Variants in SPOCK1 observed in about 807,000 individuals in gnomAD.
SPOCK1 encodes the protein testican-1.
A neutral mutation model predicts 55.3 loss-of-function variants in SPOCK1; 23 were observed. The observed-to-expected ratio is 0.42, with a 90% CI of 0.30 to 0.59. SPOCK1 has a LOEUF of 0.59. Ranked by LOEUF, SPOCK1 falls within the 20% of genes least tolerant of loss-of-function variation. The pLI, the probability that SPOCK1 is intolerant of heterozygous loss-of-function variation, is 0.22. For missense variants in SPOCK1, 499 were observed against 552.5 expected, an observed-to-expected ratio of 0.90 and a Z score of 0.97; for synonymous variants, 226 against 221.0, an observed-to-expected ratio of 1.02 and a Z score of -0.20.
At chr5:137,267,121 A>G (rs1756872790) in intron 2 of SPOCK1, 66 bp from the exon 3 acceptor site, 1 of 1,382,430 alleles carries the variant, frequency 7.2e-7, no homozygotes, top group African/African-American at 1.4e-5. Flanking sequence ...ACTGCATAAA[A>G]ACCTGCCTTC....
chr5:137,126,844 G>A (rs1753791155), intron 4 of SPOCK1, among the ~76,000 whole-genome samples: 1 of 152,196 alleles, frequency 6.6e-6, no homozygotes, highest in Admixed American at 6.5e-5. Context: ...TAGTGTCTGT[G>A]GAAGGTAGAA....
chr5:137,332,184 G>A (rs73296871), intron 2 of SPOCK1, among the ~76,000 whole-genome samples: 5,534 of 151,650 alleles, frequency 0.036, 377 homozygotes, highest in African/African-American at 0.13. Context: ...TTTTCCTCCT[G>A]GGATCCCCAC....
At chr5:137,392,697 T>C (rs1751752018) in intron 2 of SPOCK1, among the ~76,000 whole-genome samples, 1 of 152,236 alleles carries the variant, frequency 6.6e-6, no homozygotes, top group Non-Finnish European at 1.5e-5. Flanking sequence ...GAGTTTGGCA[T>C]AGTGCCCAGC....
chr5:137,382,183 C>T (rs1312152953), intron 2 of SPOCK1, among the ~76,000 whole-genome samples: 1 of 152,244 alleles, frequency 6.6e-6, no homozygotes, highest in East Asian at 1.9e-4. Flanking sequence ...ACCTTTGCTC[C>T]AGTTCCCAGT....
intron 6 of SPOCK1, among the ~76,000 whole-genome samples, chr5:136,997,938 A>G (rs1751077101): frequency 6.6e-6 from 1 of 152,212 alleles, no homozygotes; most frequent in South Asian, 2.1e-4. Context: ...AAAGTTCTCA[A>G]TACACACCTA....
In SPOCK1 at chr5:137,053,071, C is replaced by T. The variant is rs1026392268; in HGVS notation, c.589+14644G>A. Among the ~76,000 whole-genome samples the T allele has an allele frequency of 2.6e-5, 4 of 152,088 alleles. 1 individual carries two copies. Among genetic ancestry groups the T allele is most frequent in the Non-Finnish European group, 4.4e-5 (3 of 68,016 alleles). Reference sequence around the variant, plus strand: ...TTCTGTCTTTCCAAGGCATGAGGAACACATGATTTATAACCATAGGTCAAA... The same window carrying T: ...TTCTGTCTTTCCAAGGCATGAGGAATACATGATTTATAACCATAGGTCAAA... On this transcript the variant is annotated intron_variant, in intron 6 of 10. Coordinates refer to ENST00000394945, the MANE Select transcript of SPOCK1 (RefSeq NM_004598.4).
chr5:137,339,835 G>C (rs1216911762), intron 2 of SPOCK1, among the ~76,000 whole-genome samples: 1 of 152,102 alleles, frequency 6.6e-6, no homozygotes, highest in Non-Finnish European at 1.5e-5. Context: ...CTGAAGAAGT[G>C]GCTGGGCCTG....
chr5:137,036,419 G>A (rs2126988676), intron 6 of SPOCK1, among the ~76,000 whole-genome samples: 1 of 152,084 alleles, frequency 6.6e-6, no homozygotes, highest in East Asian at 1.9e-4. Flanking sequence ...CTGCTCCTGT[G>A]TCCTCCTCCC....
chr5:137,084,219 A>G (rs746656023), intron 5 of SPOCK1, among the ~76,000 whole-genome samples: 58 of 152,020 alleles, frequency 3.8e-4, no homozygotes, highest in Non-Finnish European at 5.0e-4. Flanking sequence ...AGAGTACCTC[A>G]GTCATTTCAC....
At chr5:137,295,835 G>C (rs1370549880) in intron 2 of SPOCK1, among the ~76,000 whole-genome samples, 1 of 152,182 alleles carries the variant, frequency 6.6e-6, no homozygotes, top group African/African-American at 2.4e-5. Context: ...TCATTTTACA[G>C]TGTTTTTCCT....
chr5:137,074,994 C>A (rs947911169), intron 5 of SPOCK1, among the ~76,000 whole-genome samples: 7 of 152,042 alleles, frequency 4.6e-5, no homozygotes, highest in Non-Finnish European at 1.0e-4. Flanking sequence ...TGAGTCACCG[C>A]GCCCGACCTA....
At chr5:137,236,304 G>T (rs1756180106) in intron 3 of SPOCK1, among the ~76,000 whole-genome samples, 1 of 152,256 alleles carries the variant, frequency 6.6e-6, no homozygotes, top group Non-Finnish European at 1.5e-5. Context: ...CTGGCTGTCT[G>T]CCGGCATGCA....
At chr5:137,093,448 T>G (rs1753083625) in intron 5 of SPOCK1, among the ~76,000 whole-genome samples, 1 of 152,236 alleles carries the variant, frequency 6.6e-6, no homozygotes, top group Non-Finnish European at 1.5e-5. Context: ...ATCTACCATA[T>G]GCTAGGCCCC....
chr5:137,356,873 A>AGAGAGAGT (rs796667572), intron 2 of SPOCK1, among the ~76,000 whole-genome samples: 1,549 of 69,446 alleles, frequency 0.022, 156 homozygotes, highest in East Asian at 0.054. Context: ...AGAGAGAGAG[A>AGAGAGAGT]GAGTATGCAG....
At chr5:137,068,640 G>C (rs1752552938) in intron 5 of SPOCK1, among the ~76,000 whole-genome samples, 1 of 152,194 alleles carries the variant, frequency 6.6e-6, no homozygotes, top group Non-Finnish European at 1.5e-5. Context: ...ATCAGCATTT[G>C]TATTATTCTT....
intron 6 of SPOCK1, among the ~76,000 whole-genome samples, chr5:137,027,485 T>C (rs969902549): frequency 2.0e-5 from 3 of 152,208 alleles, no homozygotes; most frequent in Non-Finnish European, 4.4e-5. Context: ...TATATCATAG[T>C]GTCTGATGTG....
At chr5:137,416,620 ATGTAAC>A (rs576016234) in intron 2 of SPOCK1, among the ~76,000 whole-genome samples, 16 of 152,260 alleles carry the variant, frequency 1.1e-4, no homozygotes, top group African/African-American at 2.4e-4. Context: ...ACAGTGGAGG[ATGTAAC>A]TGTAACTGTA....
intron 2 of SPOCK1, among the ~76,000 whole-genome samples, chr5:137,487,696 T>C (rs1465407940): frequency 6.6e-6 from 1 of 152,226 alleles, no homozygotes; most frequent in Non-Finnish European, 1.5e-5. Context: ...TATGCTGAGA[T>C]GATCCCCTGG....
At chr5:137,116,455 G>A (rs1016310125) in intron 4 of SPOCK1, among the ~76,000 whole-genome samples, 1 of 151,946 alleles carries the variant, frequency 6.6e-6, no homozygotes, top group Non-Finnish European at 1.5e-5. Context: ...GACCAGCCTG[G>A]CCAACATAGC....
Sources: allele counts gnomAD v4.1 joint callset (sites outside exome capture counted in the v4.1 genomes callset), GRCh38; gene constraint gnomAD v4.1.1; transcripts MANE v1.5; gene names NCBI Gene and HGNC (gene_info 2026-07-23, HGNC 2026-07-21).